The following RPS27A variants were observed in gnomAD, a reference collection of about 807,000 sequenced individuals.
RPS27A encodes ribosomal protein S27a.
RPS27A carries 1 observed loss-of-function variant against 18.9 expected under a neutral mutation model. The observed-to-expected ratio is 0.05, with a 90% confidence interval of 0.02 to 0.25. The LOEUF (loss-of-function observed/expected upper bound fraction) is 0.25. RPS27A is among the 10% of genes least tolerant of loss of function. RPS27A has a pLI of 1.00. For synonymous variants in RPS27A, 77 were observed against 63.7 expected, an observed-to-expected ratio of 1.21 and a Z score of -0.99; for missense variants, 123 against 187.4, an observed-to-expected ratio of 0.66 and a Z score of 2.01.
rs752925911 is a variant in RPS27A at position 55,232,883 on chromosome 2, G to T, written c.48+11G>T. On this transcript the variant is annotated intron_variant, in intron 2 of 5. Transcript: ENST00000272317. ...ACCATCACCCTCGAGGTACGGGCCG[G>T]GTGGTCATGAGGAAGCCAAGGTCCG... The T allele has an allele frequency of 9.3e-6, 15 of 1,611,166 alleles. No individual in the cohort carries two copies. The highest frequency in any genetic ancestry group is 1.6e-4 in the Middle Eastern group (1 of 6,082).
Position 55,233,349 on chromosome 2 carries a change from T to C in RPS27A, c.49-14T>C, listed in dbSNP as rs746400074. On this transcript the variant is annotated splice_polypyrimidine_tract_variant and intron_variant, in intron 2 of 5. Coordinates refer to ENST00000272317, the MANE Select transcript of RPS27A (RefSeq NM_002954.6). ...TAATGTGTAACCAACATGCTTTCAC[T>C]TTAACACTCATAGGTTGAACCCTCG... The C allele has an allele frequency of 1.2e-6, 2 of 1,607,290 alleles. No individual in the cohort carries two copies.
chr2:55,235,090 G>A, intron 5 of RPS27A, 128 bp downstream of exon 5: 1 of 1,038,990 alleles, frequency 9.6e-7, no homozygotes, highest in Non-Finnish European at 1.4e-6. Context: ...TTTAAATGAG[G>A]TATTCTGGAA....
intron 4 of RPS27A, 114 bp from the exon 5 acceptor site, chr2:55,234,717 A>G (rs947575696): frequency 4.9e-6 from 6 of 1,233,238 alleles, no homozygotes; most frequent in Non-Finnish European, 7.0e-6. Flanking sequence ...GGGCTGCAAG[A>G]TTCCCTCAAA....
intron 3 of RPS27A, 98 bp downstream of exon 3, chr2:55,233,515 TCA>T: frequency 1.2e-6 from 1 of 840,366 alleles, no homozygotes; most frequent in Non-Finnish European, 2.0e-6. Flanking sequence ...GGGGAAGGGG[TCA>T]GATTGACAAA....
chr2:55,234,642 T>G (rs528871521), intron 4 of RPS27A, 189 bp from the exon 5 acceptor site: 11 of 659,108 alleles, frequency 1.7e-5, no homozygotes, highest in South Asian at 5.5e-5. Context: ...CATGGTGTAA[T>G]GTAATGCATT....
At chr2:55,233,688 C>T in intron 3 of RPS27A, 1 of 510,888 alleles carries the variant, frequency 2.0e-6, no homozygotes, top group Non-Finnish European at 3.5e-6. Context: ...GGAGTGCATT[C>T]GCTTGTCCCG....
Position 55,232,791 on chromosome 2 carries a change from C to T in RPS27A, c.-17-17C>T, listed in dbSNP as rs192298313. The T allele has an allele frequency of 2.5e-6, 4 of 1,603,104 alleles. No homozygotes were observed. The highest frequency in any genetic ancestry group is 1.3e-5 in the African/African-American group (1 of 74,880). ...GATCCCTGACCTAACCTGTCTCTTCCTTTTCCTCAACCTCAGGTGGAGCCG... is the reference window on the plus strand; with the variant it reads ...GATCCCTGACCTAACCTGTCTCTTCTTTTTCCTCAACCTCAGGTGGAGCCG... On this transcript the variant is annotated splice_polypyrimidine_tract_variant and intron_variant, in intron 1 of 5. Coordinates refer to ENST00000272317, the MANE Select transcript of RPS27A (RefSeq NM_002954.6).
At chr2:55,232,386 T>A (rs1489388606), upstream of RPS27A, 1 of 280,654 alleles carries the variant, frequency 3.6e-6, no homozygotes, top group Non-Finnish European at 7.1e-6. Context: ...ATTTCCTACC[T>A]CTTCCCCAAG....
chr2:55,233,366 G>A lies in RPS27A; in HGVS notation c.52G>A (p.Glu18Lys), dbSNP rs1384942433. 1.9e-6 allele frequency: 3 copies of A among 1,611,966 alleles called. No homozygotes were observed. The African/African-American group carries it at 4.0e-5, about 22-fold the overall frequency. The change falls in exon 3 of 6, where the codon GAA becomes AAA. Residue 18 changes from glutamate (E) to lysine (K), a missense_variant. Around this residue, in one of 2 missense-constraint regions of RPS27A, gnomAD observed 66 missense variants for 72.6 expected, o/e 0.91. Transcript: ENST00000272317. ...LTGKTITLEV[E>K]PSDTIENVKA... ...GCTTTCACTTTAACACTCATAGGTTGAACCCTCGGATACGATAGAAAATGT... is the reference window on the plus strand; with the variant it reads ...GCTTTCACTTTAACACTCATAGGTTAAACCCTCGGATACGATAGAAAATGT...
In RPS27A at chr2:55,234,104, G is replaced by GT. The variant is rs753826424; in HGVS notation, c.104-9dup. The stretch of plus-strand genomic sequence containing the variant: ...CTTGGTGTGCTGTGACTTAATTTTT[G>GT]TTTTTTGTCATTAGGAATTCCTCCT... On this transcript the variant is annotated splice_polypyrimidine_tract_variant and intron_variant, in intron 3 of 5. Transcript: ENST00000272317. The GT allele has an allele frequency of 5.0e-6, 8 of 1,605,836 alleles. No homozygotes were observed. In the African/African-American group the frequency reaches 8.0e-5, roughly 16 times the overall value.
chr2:55,234,352 G>GGTGGTCCTCCCACCTCAGCCTCCT, intron 4 of RPS27A, 148 bp downstream of exon 4: 1 of 676,398 alleles, frequency 1.5e-6, no homozygotes, highest in South Asian at 1.7e-5. Flanking sequence ...CTCAGACTCA[G>GGTGGTCCTCCCACCTCAGCCTCCT]GTGGTCCTCC....
At chr2:55,232,477 G>T, upstream of RPS27A, 1 of 371,780 alleles carries the variant, frequency 2.7e-6, no homozygotes, top group Non-Finnish European at 5.1e-6. Context: ...CATCTTTTAC[G>T]TTGCTTAAAC....
At chr2:55,232,914 G>A (rs1481146514) in intron 2 of RPS27A, 42 bp downstream of exon 2, 3 of 1,530,488 alleles carry the variant, frequency 2.0e-6, no homozygotes, top group South Asian at 1.1e-5. Flanking sequence ...GTCCGAATAA[G>A]GTCCTGAGGT....
intron 3 of RPS27A, 128 bp downstream of exon 3, chr2:55,233,545 T>G: frequency 1.4e-6 from 1 of 724,086 alleles, no homozygotes; most frequent in Non-Finnish European, 2.5e-6. Context: ...ACTTGTGGAA[T>G]AACACAATAG....
Position 55,232,707 on chromosome 2 carries a change from C to G in RPS27A, c.-19C>G, listed in dbSNP as rs774506381. ...TTCTTCCTTTTCGATCCGCCATCTG[C>G]GGTGGGTGTCTGCACTTCGGCTGCT... On this transcript the variant is annotated splice_region_variant and 5_prime_UTR_variant, in exon 1 of 6. Coordinates refer to ENST00000272317, the MANE Select transcript of RPS27A (RefSeq NM_002954.6). The G allele has an allele frequency of 1.6e-5, 14 of 894,820 alleles. No individual in the cohort carries two copies. Among genetic ancestry groups the G allele is most frequent in the African/African-American group, 4.9e-5 (3 of 60,692 alleles). 55.4% of individuals were successfully genotyped at this position (894,820 alleles called of 1,614,324 possible).
chr2:55,232,761 C>T, intron 1 of RPS27A, 47 bp from the exon 2 acceptor site: 4 of 1,476,002 alleles, frequency 2.7e-6, no homozygotes, highest in Non-Finnish European at 3.7e-6. Flanking sequence ...GGTGCCTTCT[C>T]TTGTGATCCC....
rs1558539852 is a variant in RPS27A, at chr2:55,235,098, G to T, written c.321+136G>T. The T allele has an allele frequency of 4.2e-6, 4 of 955,884 alleles. No individual in the cohort carries two copies. The East Asian group carries it at 7.9e-5, about 19-fold the overall frequency. 59.2% of individuals were successfully genotyped at this position (955,884 alleles called of 1,614,324 possible). A position where few individuals can be genotyped will look rare whatever the true frequency, so the allele number is the denominator to read the frequency against. ...ACTTTGGTTTAAATGAGGTATTCTGGAAATGAGAAATTCAGACTTTCTGGG... is the reference window on the plus strand; with the variant it reads ...ACTTTGGTTTAAATGAGGTATTCTGTAAATGAGAAATTCAGACTTTCTGGG... On this transcript the variant is annotated intron_variant, in intron 5 of 5. Transcript: ENST00000272317.
chr2:55,233,149 G>C (rs768484217), intron 2 of RPS27A: 8 of 649,958 alleles, frequency 1.2e-5, no homozygotes, highest in Non-Finnish European at 1.9e-5. Context: ...GTGCGAGCAC[G>C]TGTGGCCCTG....
Position 55,233,373 on chromosome 2 carries a change from C to G in RPS27A, c.59C>G (p.Ser20Trp), listed in dbSNP as rs368266147. 1.2e-6 allele frequency: 2 copies of G among 1,612,748 alleles called. No homozygotes were observed. Among genetic ancestry groups the G allele is most frequent in the Non-Finnish European group, 1.7e-6 (2 of 1,178,840 alleles). Residue 20 changes from serine to tryptophan, a missense_variant, in exon 3 of 6, where the codon TCG becomes TGG. Ser to Trp is a radical substitution (Grantham distance 177). Transcript: ENST00000272317. Reference protein sequence around the residue: ...GKTITLEVEPSDTIENVKAKI... With the variant: ...GKTITLEVEPWDTIENVKAKI... The stretch of plus-strand genomic sequence containing the variant: ...CTTTAACACTCATAGGTTGAACCCT[C>G]GGATACGATAGAAAATGTAAAGGCC...
Sources: gnomAD v4.1 joint callset for allele counts on GRCh38, gnomAD v4.1.1 for gene constraint, gnomAD v4.1.1 regional missense constraint, MANE v1.5 for transcripts, NCBI Gene and HGNC (gene_info 2026-07-23, HGNC 2026-07-21) for gene names.